BTNL8: variants seen among roughly 807,000 people sequenced by gnomAD.
BTNL8 encodes butyrophilin like 8, also known as butyrophilin-like protein 8.
Under a neutral mutation model 36.1 loss-of-function variants are expected in BTNL8, and 22 were observed. The observed-to-expected ratio is 0.61, with a 90% CI of 0.44 to 0.87. The LOEUF is 0.87. Ranked by LOEUF, BTNL8 falls within the 40% of genes least tolerant of loss-of-function variation. The pLI, the probability that BTNL8 is intolerant of heterozygous loss-of-function variation, is 0.00. For synonymous variants in BTNL8, 203 were observed against 235.6 expected (o/e 0.86, Z 1.27); for missense variants, 526 against 616.9 (o/e 0.85, Z 1.56).
intron 3 of BTNL8, among the ~76,000 whole-genome samples, chr5:180,946,848 CAA>C (rs78424410): frequency 0.028 from 4,304 of 152,212 alleles, 106 homozygotes; most frequent in East Asian, 0.11. Context: ...AGGCATGTAT[CAA>C]AGAGTCACAC....
At chr5:180,925,957 T>C (rs905801294) in intron 3 of BTNL8, among the ~76,000 whole-genome samples, 16 of 152,332 alleles carry the variant, frequency 1.1e-4, no homozygotes, top group African/African-American at 2.9e-4. Context: ...CAGAATAAAA[T>C]AGCCTGTTAA....
chr5:180,914,053 A>C (rs1157046130), intron 3 of BTNL8, among the ~76,000 whole-genome samples: 1 of 152,196 alleles, frequency 6.6e-6, no homozygotes, highest in Admixed American at 6.5e-5. Flanking sequence ...CTTTACAAAA[A>C]CTTTGAAGAA....
At chr5:180,919,297 AT>A (rs1757770927) in intron 3 of BTNL8, among the ~76,000 whole-genome samples, 1 of 152,204 alleles carries the variant, frequency 6.6e-6, no homozygotes, top group African/African-American at 2.4e-5. Flanking sequence ...AGAGGACATA[AT>A]GAGGCATGTC....
intron 3 of BTNL8, among the ~76,000 whole-genome samples, chr5:180,932,259 G>T (rs1383751176): frequency 6.6e-6 from 1 of 152,194 alleles, no homozygotes; most frequent in East Asian, 1.9e-4. Flanking sequence ...TAATGTAGAT[G>T]ATGAGTTGAT....
intron 3 of BTNL8, among the ~76,000 whole-genome samples, chr5:180,922,857 T>C (rs1757931630): frequency 6.6e-6 from 1 of 152,146 alleles, no homozygotes; most frequent in Non-Finnish European, 1.5e-5. Context: ...GAACTTGCTT[T>C]ATGAATCTGG....
chr5:180,908,383 C>G (rs563881490), intron 1 of BTNL8, among the ~76,000 whole-genome samples: 1 of 152,076 alleles, frequency 6.6e-6, no homozygotes, highest in African/African-American at 2.4e-5. Flanking sequence ...GCACGGTGCG[C>G]GCACCCACTG....
chr5:180,944,245 C>G (rs1237717095), intron 3 of BTNL8, among the ~76,000 whole-genome samples: 1 of 152,130 alleles, frequency 6.6e-6, no homozygotes, highest in Non-Finnish European at 1.5e-5. Context: ...AGAAAATGTT[C>G]TGGTGTCCTG....
chr5:180,906,683 G>A (rs1426112719), intron 1 of BTNL8, among the ~76,000 whole-genome samples: 1 of 115,920 alleles, frequency 8.6e-6, no homozygotes. Context: ...TCCATGTTTA[G>A]TGCTTCCTTC....
At chr5:180,943,428 C>T (rs1759085042) in intron 3 of BTNL8, among the ~76,000 whole-genome samples, 1 of 151,938 alleles carries the variant, frequency 6.6e-6, no homozygotes, top group South Asian at 2.1e-4. Context: ...CCGTGCCTGG[C>T]CAGGATGATA....
intron 3 of BTNL8, among the ~76,000 whole-genome samples, chr5:180,937,245 C>T (rs1171721623): frequency 6.6e-6 from 1 of 152,178 alleles, no homozygotes; most frequent in Admixed American, 6.5e-5. Context: ...CCCCTGGGAC[C>T]AAGTGACCAG....
In BTNL8 at chr5:180,950,088, C is replaced by T. The variant is rs753548010; in HGVS notation, c.1047C>T (p.His349=). 3 of 1,462,826 alleles carry T rather than the reference C, an allele frequency of 2.1e-6. 1 individual carries two copies. Among genetic ancestry groups the T allele is most frequent in the Non-Finnish European group, 2.8e-6 (3 of 1,058,772 alleles). The allele number at this position is 1,462,826 out of a possible 1,614,324, so 90.6% of individuals were successfully genotyped here. A position where few individuals can be genotyped will look rare whatever the true frequency, so the allele number is the denominator to read the frequency against. ...ATTACTGGGAGGTGGACGGAGGACA[C>T]AATAAAAGGTGGCGCGTGGGAGTGT... ...GKHYWEVDGG[H]NKRWRVGVCR... is the part of the protein sequence containing the mutation. Residue 349 remains histidine, a synonymous_variant, in exon 8 of 8, where the codon CAC becomes CAT. Coordinates refer to ENST00000340184, the MANE Select transcript of BTNL8 (RefSeq NM_001040462.3).
intron 3 of BTNL8, among the ~76,000 whole-genome samples, chr5:180,922,742 T>C (rs903999487): frequency 6.6e-6 from 1 of 151,442 alleles, no homozygotes; most frequent in African/African-American, 2.4e-5. Context: ...GTCCTGAATA[T>C]CTTGTTAATT....
At chr5:180,931,257 A>G (rs188898701) in intron 3 of BTNL8, among the ~76,000 whole-genome samples, 1 of 152,320 alleles carries the variant, frequency 6.6e-6, no homozygotes, top group African/African-American at 2.4e-5. Context: ...GGCTAGCCAT[A>G]CGTGGAAAAC....
At chr5:180,944,635 CAT>C (rs1759151946) in intron 3 of BTNL8, among the ~76,000 whole-genome samples, 1 of 152,036 alleles carries the variant, frequency 6.6e-6, no homozygotes, top group East Asian at 1.9e-4. Context: ...TTACCAATAA[CAT>C]ATTACATATC....
chr5:180,937,686 A>G (rs1002345939), intron 3 of BTNL8, among the ~76,000 whole-genome samples: 2 of 152,190 alleles, frequency 1.3e-5, no homozygotes, highest in African/African-American at 4.8e-5. Context: ...TGTTCCACCA[A>G]ATTTGCAGAT....
intron 2 of BTNL8, chr5:180,910,076 GC>G (rs528878133): frequency 6.6e-6 from 1 of 152,198 alleles, no homozygotes; most frequent in African/African-American, 2.4e-5. Context: ...GAGCCCTCAG[GC>G]CCGGCTAAGC....
At chr5:180,901,325 A>G (rs953680816) in intron 1 of BTNL8, among the ~76,000 whole-genome samples, 1 of 152,192 alleles carries the variant, frequency 6.6e-6, no homozygotes, top group African/African-American at 2.4e-5. Context: ...TATACCATAA[A>G]TGGATACATG....
At chr5:180,925,129 A>C (rs1009483349) in intron 3 of BTNL8, among the ~76,000 whole-genome samples, 2 of 152,166 alleles carry the variant, frequency 1.3e-5, no homozygotes, top group Admixed American at 6.5e-5. Flanking sequence ...AGAATAAAAA[A>C]TGAAAAAGAC....
At chr5:180,908,992 GT>G (rs1411086818) in intron 2 of BTNL8, 59 bp downstream of exon 2, 1 of 1,501,720 alleles carries the variant, frequency 6.7e-7, no homozygotes, top group Non-Finnish European at 8.9e-7. Flanking sequence ...CTTTATAAGT[GT>G]TTTTTTCAAT....
Sources: allele counts gnomAD v4.1 joint callset (sites outside exome capture counted in the v4.1 genomes callset), GRCh38; gene constraint gnomAD v4.1.1; transcripts MANE v1.5; gene names NCBI Gene and HGNC (gene_info 2026-07-23, HGNC 2026-07-21).